Variants in ENTHD1 observed in about 807,000 individuals in gnomAD.
ENTHD1 encodes ENTH domain containing 1.
In ENTHD1, 23 loss-of-function variants were observed where a neutral mutation model predicts 39.1. The observed-to-expected ratio is 0.59, with a 90% CI of 0.42 to 0.83. The LOEUF (loss-of-function observed/expected upper bound fraction) is 0.83, where lower values mean the gene tolerates loss of function less well. ENTHD1 is among the 40% of genes least tolerant of loss of function. The pLI, the probability that ENTHD1 is intolerant of heterozygous loss-of-function variation, is 0.00. For missense variants in ENTHD1, 624 were observed against 705.4 expected (o/e 0.88, Z 1.31); for synonymous variants, 230 against 258.2 (o/e 0.89, Z 1.05).
chr22:39,811,576 G>C (rs2065686320), intron 5 of ENTHD1, among the ~76,000 whole-genome samples: 1 of 152,208 alleles, frequency 6.6e-6, no homozygotes, highest in South Asian at 2.1e-4. Flanking sequence ...AAGACTGAAT[G>C]CTTGACCACA....
intron 3 of ENTHD1, among the ~76,000 whole-genome samples, chr22:39,860,480 C>A (rs912016305): frequency 2.0e-5 from 3 of 152,272 alleles, no homozygotes; most frequent in African/African-American, 4.8e-5. Context: ...TTTTAGAAGC[C>A]GGTAGGTAGT....
chr22:39,887,794 A>G lies in ENTHD1; in HGVS notation c.-46T>C, dbSNP rs542964732. 624 of 1,367,778 alleles carry G rather than the reference A, an allele frequency of 4.6e-4. 7 individuals are homozygous for G. The South Asian group carries it at 8.2e-3, about 18-fold the overall frequency. 84.7% of individuals were successfully genotyped at this position (1,367,778 alleles called of 1,614,324 possible). A position where few individuals can be genotyped will look rare whatever the true frequency, so the allele number is the denominator to read the frequency against. On this transcript the variant is annotated 5_prime_UTR_variant, in exon 2 of 7. Transcript: ENST00000325157. The stretch of plus-strand genomic sequence containing the variant: ...TGAGATGGAGGATGAAAGCAATGGA[A>G]TAACAGTTTATGTCACGGGTTTATA...
At chr22:39,796,397 C>A (rs1341462114) in intron 5 of ENTHD1, among the ~76,000 whole-genome samples, 1 of 151,986 alleles carries the variant, frequency 6.6e-6, no homozygotes, top group East Asian at 1.9e-4. Flanking sequence ...CTCAGCCTCC[C>A]GTGTAGTTGG....
chr22:39,764,866 T>C (rs993326821), intron 6 of ENTHD1, among the ~76,000 whole-genome samples: 4 of 151,974 alleles, frequency 2.6e-5, no homozygotes, highest in Non-Finnish European at 4.4e-5. Flanking sequence ...ATACACATAA[T>C]AACCAATTCT....
chr22:39,811,599 ACT>A (rs1411931702), intron 5 of ENTHD1, among the ~76,000 whole-genome samples: 1 of 152,202 alleles, frequency 6.6e-6, no homozygotes, highest in Non-Finnish European at 1.5e-5. Flanking sequence ...ACACCAAGTG[ACT>A]CTGTCAGCTC....
At chr22:39,801,274 G>A (rs950161997) in intron 5 of ENTHD1, among the ~76,000 whole-genome samples, 3 of 152,202 alleles carry the variant, frequency 2.0e-5, no homozygotes, top group African/African-American at 4.8e-5. Context: ...AAGAGCCATG[G>A]CTGAGCTCTG....
chr22:39,773,604 T>G (rs2065344540), intron 5 of ENTHD1, among the ~76,000 whole-genome samples: 3 of 152,232 alleles, frequency 2.0e-5, no homozygotes, highest in Admixed American at 2.0e-4. Flanking sequence ...TCAATAAAGC[T>G]GCTAACCTCA....
intron 3 of ENTHD1, among the ~76,000 whole-genome samples, chr22:39,852,103 C>T (rs924496693): frequency 3.3e-5 from 5 of 151,702 alleles, no homozygotes; most frequent in Non-Finnish European, 5.9e-5. Flanking sequence ...GAGGCTGAGG[C>T]GAGCAGATTG....
intron 4 of ENTHD1, among the ~76,000 whole-genome samples, chr22:39,833,881 T>C (rs968978035): frequency 2.8e-5 from 4 of 141,426 alleles, no homozygotes; most frequent in African/African-American, 1.1e-4. Flanking sequence ...CACTTACGCA[T>C]ACTGTAGTAA....
intron 5 of ENTHD1, among the ~76,000 whole-genome samples, chr22:39,787,863 A>C (rs2146595676): frequency 6.6e-6 from 1 of 152,348 alleles, no homozygotes; most frequent in East Asian, 1.9e-4. Context: ...GGCTACACTA[A>C]ACAACAGATT....
intron 5 of ENTHD1, among the ~76,000 whole-genome samples, chr22:39,811,115 G>A (rs570415229): frequency 2.0e-5 from 3 of 152,346 alleles, no homozygotes; most frequent in Non-Finnish European, 2.9e-5. Flanking sequence ...CATCTGTGAC[G>A]TTTTTAGAGT....
At chr22:39,769,898 G>A (rs188560294) in intron 5 of ENTHD1, among the ~76,000 whole-genome samples, 9 of 152,284 alleles carry the variant, frequency 5.9e-5, no homozygotes, top group African/African-American at 2.2e-4. Context: ...AGAGGGGAAA[G>A]CCAATGTGAT....
Position 39,873,374 on chromosome 22 carries a change from T to G in ENTHD1, c.350-11367A>C, listed in dbSNP as rs371104580. Among the ~76,000 whole-genome samples, 12 of 152,314 alleles carry G rather than the reference T, an allele frequency of 7.9e-5. No homozygotes were observed. The East Asian group carries it at 1.9e-3, about 24-fold the overall frequency. ...AATAATTTGATGATATTTTAAAACTTTCATATTTGATTAGATATTTTTCAG... is the reference window on the plus strand; with the variant it reads ...AATAATTTGATGATATTTTAAAACTGTCATATTTGATTAGATATTTTTCAG... On this transcript the variant is annotated intron_variant, in intron 2 of 6. Transcript: ENST00000325157.
chr22:39,824,272 C>A (rs536457393), intron 4 of ENTHD1, among the ~76,000 whole-genome samples: 1 of 134,930 alleles, frequency 7.4e-6, no homozygotes. Context: ...TGCAACGGCA[C>A]GATCTCGGCT....
chr22:39,784,481 C>T (rs1369507780), intron 5 of ENTHD1, among the ~76,000 whole-genome samples: 1 of 151,432 alleles, frequency 6.6e-6, no homozygotes, highest in Non-Finnish European at 1.5e-5. Flanking sequence ...CAACAGCCAA[C>T]ATATAGAATC....
At chr22:39,759,040 G>A (rs1401387213) in intron 6 of ENTHD1, among the ~76,000 whole-genome samples, 1 of 152,112 alleles carries the variant, frequency 6.6e-6, no homozygotes, top group Non-Finnish European at 1.5e-5. Flanking sequence ...CTACATTTGT[G>A]TAAATTTTTG....
intron 3 of ENTHD1, among the ~76,000 whole-genome samples, chr22:39,842,556 C>G (rs2065953157): frequency 6.6e-6 from 1 of 152,108 alleles, no homozygotes; most frequent in Admixed American, 6.5e-5. Context: ...TGGGCAAGGA[C>G]TTCATGTCTA....
At chr22:39,781,191 C>G (rs897412661) in intron 5 of ENTHD1, among the ~76,000 whole-genome samples, 15 of 152,186 alleles carry the variant, frequency 9.9e-5, no homozygotes, top group Non-Finnish European at 2.1e-4. Flanking sequence ...TTTTACCCAA[C>G]TGCTCCAGAA....
chr22:39,848,714 G>A (rs565133029), intron 3 of ENTHD1, among the ~76,000 whole-genome samples: 41 of 152,192 alleles, frequency 2.7e-4, no homozygotes, highest in Non-Finnish European at 5.6e-4. Flanking sequence ...GGGTCATGGG[G>A]CTTATCCTCA....
Sources: allele counts gnomAD v4.1 joint callset (sites outside exome capture counted in the v4.1 genomes callset), GRCh38; gene constraint gnomAD v4.1.1; transcripts MANE v1.5; gene names NCBI Gene and HGNC (gene_info 2026-07-23, HGNC 2026-07-21).